Variants in ZNF407 observed in about 807,000 individuals in gnomAD.
The protein encoded by ZNF407 is zinc finger protein 407.
ZNF407 carries 17 observed loss-of-function variants against 131.2 expected under a neutral mutation model. The ratio of observed to expected loss-of-function variants is 0.13; its 90% CI spans 0.09 to 0.19. ZNF407 has a LOEUF of 0.19. Ranked by LOEUF, ZNF407 falls within the 10% of genes least tolerant of loss-of-function variation. The probability of loss-of-function intolerance (pLI) is 1.00; values close to 1 mark genes in which losing one functional copy is unlikely to be tolerated. For synonymous variants in ZNF407, 1,156 were observed against 1,062.0 expected (o/e 1.09, Z -1.72); for missense variants, 2,681 against 2,830.6 (o/e 0.95, Z 1.20).
intron 4 of ZNF407, among the ~76,000 whole-genome samples, chr18:74,856,028 G>A (rs17055752): frequency 0.13 from 19,166 of 152,214 alleles, 1,291 homozygotes; most frequent in Middle Eastern, 0.26. Flanking sequence ...ATGTCTTGGC[G>A]ATTAGAACTT....
chr18:74,891,747 T>C (rs947835160), intron 7 of ZNF407, among the ~76,000 whole-genome samples: 4 of 152,286 alleles, frequency 2.6e-5, no homozygotes, highest in African/African-American at 9.6e-5. Context: ...GATCATGCAG[T>C]AGTTGGAGTT....
chr18:74,929,587 A>C (rs1016801355), intron 8 of ZNF407, among the ~76,000 whole-genome samples: 2 of 152,134 alleles, frequency 1.3e-5, no homozygotes, highest in African/African-American at 2.4e-5. Context: ...TATTTTAAAA[A>C]TTTGCACACC....
rs1971577764 is a variant in ZNF407 at position 74,905,062 on chromosome 18, T to TA, written c.5249+15025dup. On this transcript the variant is annotated intron_variant, in intron 7 of 8. Coordinates refer to ENST00000299687, the MANE Select transcript of ZNF407 (RefSeq NM_017757.3). ...TATGCAGTACAGCACAGCTTTTTGT[T>TA]ACTGCTCTTAACATACACAACTCTT... Among the ~76,000 whole-genome samples the TA allele has an allele frequency of 2.0e-5, 3 of 152,346 alleles. No individual in the cohort carries two copies. In the South Asian group the frequency reaches 6.2e-4, roughly 32 times the overall value.
intron 1 of ZNF407, among the ~76,000 whole-genome samples, chr18:74,616,932 A>G (rs1983322360): frequency 1.4e-5 from 2 of 141,174 alleles, no homozygotes; most frequent in Admixed American, 1.4e-4. Flanking sequence ...CACCATACAC[A>G]TCCATATCCA....
At chr18:74,965,584 T>A (rs970909210) in intron 8 of ZNF407, among the ~76,000 whole-genome samples, 1 of 152,226 alleles carries the variant, frequency 6.6e-6, no homozygotes, top group African/African-American at 2.4e-5. Flanking sequence ...TTAGGTTGCT[T>A]CCAAATCCTG....
At chr18:74,890,152 G>A (rs918648479) in intron 7 of ZNF407, 114 bp downstream of exon 7, 21 of 1,194,444 alleles carry the variant, frequency 1.8e-5, no homozygotes, top group Admixed American at 7.9e-5. Flanking sequence ...TCATATATTC[G>A]GTTGGGAGCT....
intron 3 of ZNF407, among the ~76,000 whole-genome samples, chr18:74,679,090 C>T (rs1966920450): frequency 6.6e-6 from 1 of 151,984 alleles, no homozygotes; most frequent in Non-Finnish European, 1.5e-5. Context: ...AAAACCATAC[C>T]CTCTTTTATT....
chr18:74,849,667 A>G (rs925428229), intron 4 of ZNF407, among the ~76,000 whole-genome samples: 4 of 152,170 alleles, frequency 2.6e-5, no homozygotes, highest in Admixed American at 1.3e-4. Flanking sequence ...ACACCTGTGC[A>G]CCTGCTTAGA....
At chr18:74,929,823 A>G (rs1971961004) in intron 8 of ZNF407, among the ~76,000 whole-genome samples, 1 of 152,168 alleles carries the variant, frequency 6.6e-6, no homozygotes, top group Non-Finnish European at 1.5e-5. Context: ...GCACATTATT[A>G]CTCTTTGCAA....
chr18:74,634,355 A>C lies in ZNF407; in HGVS notation c.3336A>C (p.Ser1112=), dbSNP rs377345468. The C allele has an allele frequency of 6.2e-7, 1 of 1,613,934 alleles. No individual in the cohort carries two copies. Among genetic ancestry groups the C allele is most frequent in the Non-Finnish European group, 8.5e-7 (1 of 1,179,880 alleles). ...QQNSEEFQII[S]GQPSDTLKSR... ...ATTCTGAGGAATTTCAAATAATTTC[A>C]GGTCAACCATCTGATACTCTTAAAT... Residue 1112 remains serine, a synonymous_variant, in exon 2 of 9, where the codon TCA becomes TCC. Coordinates refer to ENST00000299687, the MANE Select transcript of ZNF407 (RefSeq NM_017757.3).
At chr18:74,685,765 A>G (rs1235418670) in intron 3 of ZNF407, among the ~76,000 whole-genome samples, 1 of 152,118 alleles carries the variant, frequency 6.6e-6, no homozygotes, top group Non-Finnish European at 1.5e-5. Flanking sequence ...CCCTCCTCTG[A>G]GGCTCCACTC....
chr18:75,032,676 T>C (rs1973255416), intron 8 of ZNF407, among the ~76,000 whole-genome samples: 1 of 151,028 alleles, frequency 6.6e-6, no homozygotes. Flanking sequence ...ATTAGGTAAC[T>C]AAGACTGCTC....
intron 3 of ZNF407, among the ~76,000 whole-genome samples, chr18:74,685,198 C>G (rs919312246): frequency 2.6e-5 from 4 of 151,758 alleles, no homozygotes; most frequent in Non-Finnish European, 4.4e-5. Flanking sequence ...TTTTAATTGT[C>G]TATTTTTTTT....
intron 3 of ZNF407, among the ~76,000 whole-genome samples, chr18:74,750,468 A>C (rs1056892690): frequency 6.6e-6 from 1 of 152,264 alleles, no homozygotes; most frequent in East Asian, 1.9e-4. Context: ...GTGATTATAC[A>C]ATATGTGGCC....
At chr18:75,051,439 A>G (rs1973499756) in intron 8 of ZNF407, among the ~76,000 whole-genome samples, 2 of 152,228 alleles carry the variant, frequency 1.3e-5, no homozygotes, top group South Asian at 4.1e-4. Flanking sequence ...TAATTATAGT[A>G]CTAAGTGAAA....
At chr18:75,009,127 A>C (rs1972945037) in intron 8 of ZNF407, among the ~76,000 whole-genome samples, 1 of 152,176 alleles carries the variant, frequency 6.6e-6, no homozygotes, top group Non-Finnish European at 1.5e-5. Flanking sequence ...TGTAACATTA[A>C]AACTTCATTT....
At chr18:74,920,217 T>C (rs1971828543) in intron 7 of ZNF407, among the ~76,000 whole-genome samples, 1 of 152,190 alleles carries the variant, frequency 6.6e-6, no homozygotes, top group African/African-American at 2.4e-5. Flanking sequence ...AGCTAACACC[T>C]TCACTGCCCT....
At chr18:74,726,143 T>C (rs180698991) in intron 3 of ZNF407, among the ~76,000 whole-genome samples, 5 of 152,306 alleles carry the variant, frequency 3.3e-5, no homozygotes, top group East Asian at 1.9e-4. Context: ...CTCTTTTTTT[T>C]CCCTCTTTTA....
chr18:74,819,862 TG>T (rs1203092849), intron 4 of ZNF407, among the ~76,000 whole-genome samples: 1 of 152,166 alleles, frequency 6.6e-6, no homozygotes, highest in Non-Finnish European at 1.5e-5. Context: ...TGACTGACAG[TG>T]GATGGCCCTC....
Sources: gnomAD v4.1 joint callset for allele counts (sites outside exome capture counted in the v4.1 genomes callset) on GRCh38, gnomAD v4.1.1 for gene constraint, MANE v1.5 for transcripts, NCBI Gene and HGNC (gene_info 2026-07-23, HGNC 2026-07-21) for gene names.